The following FBXO34 variants were observed in gnomAD, a reference collection of about 807,000 sequenced individuals.
FBXO34 encodes the protein F-box protein 34.
FBXO34 carries 12 observed loss-of-function variants against 24.5 expected under a neutral mutation model. The ratio of observed to expected loss-of-function variants is 0.49; its 90% CI spans 0.31 to 0.79. The LOEUF (loss-of-function observed/expected upper bound fraction) is 0.79, where lower values mean the gene tolerates loss of function less well. Among genes scored for constraint, FBXO34 ranks in the 30% least tolerant of loss-of-function variants. The probability of loss-of-function intolerance (pLI) is 0.04; values close to 1 mark genes in which losing one functional copy is unlikely to be tolerated. For missense variants in FBXO34, 823 were observed against 857.7 expected (o/e 0.96, Z 0.51); for synonymous variants, 320 against 311.9 (o/e 1.03, Z -0.27).
At chr14:55,363,023 C>CTCT (rs58355682), downstream of FBXO34, among the ~76,000 whole-genome samples, 28,682 of 132,016 alleles carry the variant, frequency 0.22, 3,191 homozygotes, top group African/African-American at 0.22. Flanking sequence ...TTCTCTCTCT[C>CTCT]TTTTTTTTTT....
At position 55,352,249 on chromosome 14, in the gene FBXO34, G is replaced by A. The variant is rs138193304; in HGVS notation, c.1859G>A (p.Arg620His). 1.7e-5 allele frequency: 27 copies of A among 1,613,986 alleles called. No homozygotes were observed. Among genetic ancestry groups the A allele is most frequent in the East Asian group, 2.2e-5 (1 of 44,896 alleles). The change falls in exon 2 of 2, where the codon CGC becomes CAC. Residue 620 changes from arginine to histidine, a missense_variant. Coordinates refer to ENST00000313833, the MANE Select transcript of FBXO34 (RefSeq NM_017943.4). ...EYYNIRPADS[R>H]WVRDPRYRED... Reference sequence around the variant, plus strand: ...TACAATATCAGGCCAGCAGATTCTCGCTGGGTTCGAGATCCACGCTATAGA... The same window carrying A: ...TACAATATCAGGCCAGCAGATTCTCACTGGGTTCGAGATCCACGCTATAGA...
chr14:55,369,964 C>G (rs779258707), downstream of FBXO34: 1 of 1,529,976 alleles, frequency 6.5e-7, no homozygotes, highest in East Asian at 2.3e-5. Context: ...GGATAACAAC[C>G]ATTCTCAACA....
chr14:55,426,562 G>A, the FBXO34 span, among the ~76,000 whole-genome samples: 1 of 152,096 alleles, frequency 6.6e-6, no homozygotes, highest in Non-Finnish European at 1.5e-5. Flanking sequence ...TCTAAGAGGT[G>A]TTTTTAATGT....
downstream of FBXO34, among the ~76,000 whole-genome samples, chr14:55,357,599 A>G (rs1012849426): frequency 1.3e-5 from 2 of 152,158 alleles, no homozygotes; most frequent in Non-Finnish European, 2.9e-5. Context: ...AAAAATCATT[A>G]AGCTCAGGAG....
chr14:55,321,025 A>G (rs1421172507), intron 1 of FBXO34, among the ~76,000 whole-genome samples: 1 of 152,022 alleles, frequency 6.6e-6, no homozygotes, highest in Non-Finnish European at 1.5e-5. Flanking sequence ...AAACCAAAAA[A>G]TAAACAGTGG....
chr14:55,296,382 G>GTTTGT (rs1882122753), intron 1 of FBXO34, among the ~76,000 whole-genome samples: 3 of 95,780 alleles, frequency 3.1e-5, no homozygotes, highest in Non-Finnish European at 4.3e-5. Flanking sequence ...CTGTTCTTGT[G>GTTTGT]TTTTTTTTGT....
chr14:55,411,938 C>T, the FBXO34 span: 8 of 951,014 alleles, frequency 8.4e-6, no homozygotes, highest in Non-Finnish European at 1.1e-5. Flanking sequence ...CCCCGGACCC[C>T]TCCGCCGCCG....
At chr14:55,273,736 A>G (rs960943596) in intron 1 of FBXO34, among the ~76,000 whole-genome samples, 4 of 152,184 alleles carry the variant, frequency 2.6e-5, no homozygotes, top group East Asian at 3.9e-4. Flanking sequence ...GGACGCTTGC[A>G]TGTGTCTTTC....
chr14:55,425,117 CA>C, the FBXO34 span, among the ~76,000 whole-genome samples: 1 of 152,208 alleles, frequency 6.6e-6, no homozygotes, highest in Admixed American at 6.5e-5. Flanking sequence ...CCAAAAACAA[CA>C]GCAGATGTGG....
intron 1 of FBXO34, among the ~76,000 whole-genome samples, chr14:55,277,170 T>G (rs1206025038): frequency 6.6e-6 from 1 of 152,264 alleles, no homozygotes; most frequent in Non-Finnish European, 1.5e-5. Flanking sequence ...ATTAGCTGTT[T>G]AATCTCCTGC....
the FBXO34 span, among the ~76,000 whole-genome samples, chr14:55,437,886 G>T: frequency 6.6e-6 from 1 of 152,154 alleles, no homozygotes; most frequent in Non-Finnish European, 1.5e-5. Flanking sequence ...TTTACACTAG[G>T]AAAAAAGTTA....
the FBXO34 span, among the ~76,000 whole-genome samples, chr14:55,431,902 A>G: frequency 6.6e-6 from 1 of 152,224 alleles, no homozygotes; most frequent in African/African-American, 2.4e-5. Flanking sequence ...CAGATATAGA[A>G]CATTTCCATC....
intron 1 of FBXO34, among the ~76,000 whole-genome samples, chr14:55,321,660 G>A (rs571231864): frequency 7.2e-4 from 110 of 152,326 alleles, no homozygotes; most frequent in Non-Finnish European, 1.2e-3. Context: ...GCCTCCCAAA[G>A]TGTTGGGATT....
At chr14:55,429,566 C>T in the FBXO34 span, among the ~76,000 whole-genome samples, 79 of 152,162 alleles carry the variant, frequency 5.2e-4, no homozygotes, top group African/African-American at 1.8e-3. Context: ...TAGCTCGAGA[C>T]CGGCCTGGCC....
At position 55,351,011 on chromosome 14, in the gene FBXO34, T is replaced by C; in HGVS notation, c.621T>C (p.Val207=). 2 of 1,614,202 alleles carry C rather than the reference T, an allele frequency of 1.2e-6. No individual in the cohort carries two copies. Among genetic ancestry groups the C allele is most frequent in the Non-Finnish European group, 1.7e-6 (2 of 1,180,022 alleles). Residue 207 remains valine, a synonymous_variant, in exon 2 of 2, where the codon GTT becomes GTC. Coordinates refer to ENST00000313833, the MANE Select transcript of FBXO34 (RefSeq NM_017943.4). The part of the protein sequence containing the change: ...DGVYAGRPLS[V]IQMVAFLEQR... ...TCTATGCTGGGAGGCCTCTGTCAGTTATACAGATGGTTGCCTTCTTGGAGC... is the reference window on the plus strand; with the variant it reads ...TCTATGCTGGGAGGCCTCTGTCAGTCATACAGATGGTTGCCTTCTTGGAGC...
chr14:55,351,719 T>C lies in FBXO34; in HGVS notation c.1329T>C (p.Thr443=), dbSNP rs747267393. The C allele has an allele frequency of 5.6e-6, 9 of 1,614,248 alleles. No homozygotes were observed. The highest frequency in any genetic ancestry group is 6.8e-6 in the Non-Finnish European group (8 of 1,180,054). Residue 443 remains threonine, a synonymous_variant, in exon 2 of 2, where the codon ACT becomes ACC. Coordinates refer to ENST00000313833, the MANE Select transcript of FBXO34 (RefSeq NM_017943.4). The part of the protein sequence containing the change: ...DCMSRELVSL[T]SRNPDQRKES... The stretch of plus-strand genomic sequence containing the variant: ...TGAGCAGAGAGCTTGTGTCCCTTAC[T>C]AGCCGAAATCCTGATCAAAGAAAAG...
At chr14:55,350,300 C>A in intron 1 of FBXO34, 81 bp from the exon 2 acceptor site, 1 of 1,011,444 alleles carries the variant, frequency 9.9e-7, no homozygotes, top group Non-Finnish European at 1.4e-6. Flanking sequence ...TTGCTAAGAA[C>A]CATCTGAGCT....
the FBXO34 span, among the ~76,000 whole-genome samples, chr14:55,398,719 A>C: frequency 1.3e-5 from 2 of 152,286 alleles, no homozygotes; most frequent in South Asian, 4.1e-4. Context: ...TACTTGAAAT[A>C]ACGTGTATTC....
At chr14:55,439,118 T>A in the FBXO34 span, among the ~76,000 whole-genome samples, 1 of 151,932 alleles carries the variant, frequency 6.6e-6, no homozygotes, top group Non-Finnish European at 1.5e-5. Flanking sequence ...TTGTATTTTT[T>A]AGCAGAGGCG....
Sources: gnomAD v4.1 joint callset for allele counts (sites outside exome capture counted in the v4.1 genomes callset) on GRCh38, gnomAD v4.1.1 for gene constraint, MANE v1.5 for transcripts, NCBI Gene and HGNC (gene_info 2026-07-23, HGNC 2026-07-21) for gene names.